FRMD6: variants seen among roughly 807,000 people sequenced by gnomAD.
The protein encoded by FRMD6 is FERM domain containing 6.
In FRMD6, 37 loss-of-function variants were observed where a neutral mutation model predicts 73.2. That is an observed-to-expected ratio of 0.51 (90% CI 0.39 to 0.66). The LOEUF is 0.66. FRMD6 is among the 30% of genes least tolerant of loss of function. The pLI is 0.00. For missense variants in FRMD6, 714 were observed against 780.5 expected (o/e 0.91, Z 1.02); for synonymous variants, 273 against 282.2 (o/e 0.97, Z 0.33).
At chr14:51,607,590 T>C (rs1360798394) in intron 2 of FRMD6, among the ~76,000 whole-genome samples, 1 of 152,170 alleles carries the variant, frequency 6.6e-6, no homozygotes, top group African/African-American at 2.4e-5. Flanking sequence ...CCCTCCCCCA[T>C]ACCACTCGCT....
the FRMD6 span, among the ~76,000 whole-genome samples, chr14:51,437,667 T>G: frequency 6.6e-6 from 1 of 151,996 alleles, no homozygotes; most frequent in South Asian, 2.1e-4. Context: ...CCTTTTTCCC[T>G]TTTTTTTCCT....
intron 2 of FRMD6, among the ~76,000 whole-genome samples, chr14:51,593,311 T>C (rs139633622): frequency 2.4e-4 from 36 of 152,328 alleles, no homozygotes; most frequent in African/African-American, 7.9e-4. Context: ...CAAAGAAACA[T>C]GCTGACCTTC....
intron 1 of FRMD6, among the ~76,000 whole-genome samples, chr14:51,555,256 G>A (rs983351277): frequency 6.6e-6 from 1 of 152,148 alleles, no homozygotes; most frequent in African/African-American, 2.4e-5. Context: ...TACTAATTAT[G>A]TCTGTCTAAA....
intron 3 of FRMD6, among the ~76,000 whole-genome samples, chr14:51,700,514 G>C (rs1896241467): frequency 6.6e-6 from 1 of 152,002 alleles, no homozygotes; most frequent in South Asian, 2.1e-4. Context: ...GTCATGCTGT[G>C]TTTTGCTGTG....
chr14:51,446,419 G>GGAGGGTA, the FRMD6 span, among the ~76,000 whole-genome samples: 2 of 76,010 alleles, frequency 2.6e-5, no homozygotes, highest in East Asian at 9.0e-4. Context: ...TGGCCCCAGA[G>GGAGGGTA]GAGGGTAGTC....
intron 2 of FRMD6, among the ~76,000 whole-genome samples, chr14:51,597,263 G>A (rs1889770097): frequency 6.6e-6 from 1 of 152,194 alleles, no homozygotes; most frequent in Non-Finnish European, 1.5e-5. Flanking sequence ...TAACTAGAAT[G>A]CAGGGCAGAA....
At position 51,675,468 on chromosome 14, in the gene FRMD6, G is replaced by A. The variant is rs1037895382; in HGVS notation, c.-146-14223G>A. Among the ~76,000 whole-genome samples, 4 of 152,196 alleles carry A rather than the reference G, an allele frequency of 2.6e-5. No individual in the cohort carries two copies. In the South Asian group the frequency reaches 8.3e-4, roughly 32 times the overall value. ...GAATCTGTACATGAAAATGACAATG[G>A]TAAATATGTTGTGAAACTATAATAA... On this transcript the variant is annotated intron_variant, in intron 1 of 13. Coordinates refer to ENST00000344768, the MANE Select transcript of FRMD6 (RefSeq NM_001267046.2).
chr14:51,633,598 C>CAAAAAA (rs375453243), intron 2 of FRMD6, among the ~76,000 whole-genome samples: 4 of 45,856 alleles, frequency 8.7e-5, no homozygotes, highest in African/African-American at 1.2e-4. Context: ...AAGACCCTGT[C>CAAAAAA]AAAAAAAAAA....
intron 11 of FRMD6, among the ~76,000 whole-genome samples, chr14:51,720,854 A>G: frequency 6.6e-6 from 1 of 152,174 alleles, no homozygotes; most frequent in South Asian, 2.1e-4. Flanking sequence ...AACCAGAACT[A>G]TAGGGAGGAT....
In FRMD6 at chr14:51,723,605, A is replaced by C. The variant is rs537472602; in HGVS notation, c.1492+1525A>C. Among the ~76,000 whole-genome samples the C allele has an allele frequency of 2.3e-4, 35 of 151,382 alleles. No homozygotes were observed. The East Asian group carries it at 6.8e-3, about 29-fold the overall frequency. ...AGATCAGCCTGGCCAACGTGGTGAA[A>C]CCCCATCTCTACTAAAATGCAAAAA... is the stretch of plus-strand genomic sequence containing the variant. On this transcript the variant is annotated intron_variant, in intron 12 of 13. Transcript: ENST00000344768.
intron 1 of FRMD6, among the ~76,000 whole-genome samples, chr14:51,660,642 G>A (rs915600675): frequency 1.3e-5 from 2 of 148,964 alleles, no homozygotes; most frequent in African/African-American, 2.5e-5. Flanking sequence ...TTCTGCCTTC[G>A]TGGACCTTAT....
chr14:51,447,626 C>T, the FRMD6 span, among the ~76,000 whole-genome samples: 1 of 152,160 alleles, frequency 6.6e-6, no homozygotes, highest in Non-Finnish European at 1.5e-5. Context: ...GAAGAATTGG[C>T]GTCTCGCCTA....
chr14:51,447,517 C>G, the FRMD6 span, among the ~76,000 whole-genome samples: 2 of 152,160 alleles, frequency 1.3e-5, no homozygotes, highest in African/African-American at 2.4e-5. Context: ...ACCTCTAGGC[C>G]TTTGCTCAGA....
the FRMD6 span, among the ~76,000 whole-genome samples, chr14:51,474,905 C>T: frequency 6.6e-6 from 1 of 152,200 alleles, no homozygotes; most frequent in East Asian, 1.9e-4. Context: ...ATCTGTTCAG[C>T]CATAGAGCCA....
At chr14:51,590,062 C>CAAAAAAAAAAAAAAA (rs529602796) in intron 2 of FRMD6, among the ~76,000 whole-genome samples, 1 of 82,588 alleles carries the variant, frequency 1.2e-5, no homozygotes, top group Non-Finnish European at 2.9e-5. Context: ...GAGCGAAACT[C>CAAAAAAAAAAAAAAA]AAAAAAAAAA....
At chr14:51,430,764 CAGCTGCT>C in the FRMD6 span, among the ~76,000 whole-genome samples, 1 of 152,142 alleles carries the variant, frequency 6.6e-6, no homozygotes, top group Non-Finnish European at 1.5e-5. Flanking sequence ...CCTTGGGTGG[CAGCTGCT>C]AGCATGAGCA....
intron 7 of FRMD6, among the ~76,000 whole-genome samples, chr14:51,708,913 C>T (rs1896786355): frequency 1.3e-5 from 2 of 152,162 alleles, no homozygotes. Context: ...TCGGAAGTTA[C>T]TCTCCTTTGT....
At chr14:51,639,750 T>C (rs1891737576) in intron 2 of FRMD6, among the ~76,000 whole-genome samples, 1 of 152,214 alleles carries the variant, frequency 6.6e-6, no homozygotes, top group African/African-American at 2.4e-5. Context: ...CTCGTATTTA[T>C]CTATGAGCCA....
At chr14:51,662,538 G>A (rs1490108594) in intron 1 of FRMD6, among the ~76,000 whole-genome samples, 3 of 152,158 alleles carry the variant, frequency 2.0e-5, no homozygotes, top group Admixed American at 6.5e-5. Context: ...GACAAAACAA[G>A]CAATGGGGAA....
Sources: allele counts gnomAD v4.1 joint callset (sites outside exome capture counted in the v4.1 genomes callset), GRCh38; gene constraint gnomAD v4.1.1; transcripts MANE v1.5; gene names NCBI Gene and HGNC (gene_info 2026-07-23, HGNC 2026-07-21).